The following TRPM3 variants were observed in gnomAD, a reference collection of about 807,000 sequenced individuals.
The protein encoded by TRPM3 is long transient receptor potential channel 3.
TRPM3 carries 77 observed loss-of-function variants against 181.2 expected under a neutral mutation model. That is an observed-to-expected ratio of 0.42 (90% CI 0.35 to 0.51). TRPM3 has a LOEUF of 0.51. Among genes scored for constraint, TRPM3 ranks in the 20% least tolerant of loss-of-function variants. TRPM3 has a pLI of 0.01. For missense variants in TRPM3, 1,759 were observed against 2,196.7 expected (o/e 0.80, Z 3.98); for synonymous variants, 745 against 796.4 (o/e 0.94, Z 1.09).
At chr9:70,700,640 A>G (rs1021367231) in intron 8 of TRPM3, among the ~76,000 whole-genome samples, 1 of 152,246 alleles carries the variant, frequency 6.6e-6, no homozygotes, top group Non-Finnish European at 1.5e-5. Flanking sequence ...GGCTGTCAAC[A>G]GCTTTTTAGA....
chr9:71,326,768 C>T (rs2089714728), intron 1 of TRPM3, among the ~76,000 whole-genome samples: 1 of 152,106 alleles, frequency 6.6e-6, no homozygotes, highest in African/African-American at 2.4e-5. Flanking sequence ...CTCAGAAATA[C>T]CTCCTTCATC....
intron 3 of TRPM3, among the ~76,000 whole-genome samples, chr9:70,853,306 C>A (rs2095293562): frequency 6.6e-6 from 1 of 152,118 alleles, no homozygotes; most frequent in African/African-American, 2.4e-5. Context: ...TGGGGCTGTT[C>A]TTCTCTAATT....
At chr9:70,585,852 A>G (rs535524122) in intron 22 of TRPM3, among the ~76,000 whole-genome samples, 1 of 152,248 alleles carries the variant, frequency 6.6e-6, no homozygotes, top group Non-Finnish European at 1.5e-5. Context: ...CATCTTGATC[A>G]TGGTACTATT....
chr9:71,404,499 T>A (rs1312105826), intron 1 of TRPM3, among the ~76,000 whole-genome samples: 3 of 152,192 alleles, frequency 2.0e-5, no homozygotes, highest in Non-Finnish European at 4.4e-5. Context: ...ATCTGCCTTA[T>A]AAAATCTTAA....
intron 1 of TRPM3, among the ~76,000 whole-genome samples, chr9:70,899,512 C>T (rs1444508111): frequency 2.6e-5 from 4 of 152,126 alleles, no homozygotes; most frequent in Admixed American, 2.0e-4. Context: ...TGTGTCATAA[C>T]GGTTTGTGTT....
chr9:71,095,446 A>G (rs1257394720), intron 1 of TRPM3, among the ~76,000 whole-genome samples: 1 of 152,126 alleles, frequency 6.6e-6, no homozygotes, highest in Admixed American at 6.6e-5. Context: ...TTAAACAGGT[A>G]GAAGACTAAA....
At chr9:71,227,640 A>G (rs1165900414) in intron 1 of TRPM3, among the ~76,000 whole-genome samples, 2 of 152,258 alleles carry the variant, frequency 1.3e-5, no homozygotes, top group South Asian at 4.1e-4. Context: ...AAAATCAGAA[A>G]TGAAAAAAAG....
intron 5 of TRPM3, among the ~76,000 whole-genome samples, chr9:70,829,787 CAG>C (rs1193834074): frequency 2.0e-5 from 3 of 152,132 alleles, no homozygotes; most frequent in East Asian, 1.9e-4. Context: ...CCCCGAAACA[CAG>C]AGACAGTGGT....
At chr9:70,841,669 T>C (rs1564540930) in intron 5 of TRPM3, among the ~76,000 whole-genome samples, 1 of 133,286 alleles carries the variant, frequency 7.5e-6, no homozygotes, top group Non-Finnish European at 1.6e-5. Context: ...TATCCCACCA[T>C]ATATATGTAT....
chr9:71,188,316 TA>T (rs1282760304), intron 1 of TRPM3, among the ~76,000 whole-genome samples: 1 of 151,812 alleles, frequency 6.6e-6, no homozygotes, highest in Non-Finnish European at 1.5e-5. Context: ...CCAATGTGAG[TA>T]GGAAAAGGAA....
At chr9:71,167,528 T>C (rs573880942) in intron 1 of TRPM3, among the ~76,000 whole-genome samples, 38 of 152,292 alleles carry the variant, frequency 2.5e-4, no homozygotes, top group African/African-American at 8.7e-4. Context: ...TTTTCCATTA[T>C]TTATTGGTAC....
intron 16 of TRPM3, among the ~76,000 whole-genome samples, chr9:70,619,536 C>T (rs1476372209): frequency 6.7e-6 from 1 of 148,844 alleles, no homozygotes; most frequent in Non-Finnish European, 1.5e-5. Context: ...ACCTTAGCTT[C>T]CTGAGCAGCT....
intron 1 of TRPM3, among the ~76,000 whole-genome samples, chr9:71,286,240 T>C (rs1409791054): frequency 1.3e-5 from 2 of 152,212 alleles, no homozygotes; most frequent in Admixed American, 1.3e-4. Context: ...TGATAAATCA[T>C]GATTAACAAT....
At chr9:70,969,781 C>T (rs11142652) in intron 1 of TRPM3, among the ~76,000 whole-genome samples, 13,740 of 93,350 alleles carry the variant, frequency 0.15, 1,060 homozygotes, top group Non-Finnish European at 0.19. Flanking sequence ...TATATATATA[C>T]ACACACACAC....
chr9:70,821,442 G>C (rs992777541), intron 6 of TRPM3, among the ~76,000 whole-genome samples: 1 of 152,114 alleles, frequency 6.6e-6, no homozygotes, highest in African/African-American at 2.4e-5. Context: ...TTCTTATCAG[G>C]ATACATAGAT....
chr9:71,222,424 C>CAT (rs1195803231), intron 1 of TRPM3, among the ~76,000 whole-genome samples: 1 of 152,136 alleles, frequency 6.6e-6, no homozygotes, highest in African/African-American at 2.4e-5. Flanking sequence ...ATGCGTCATT[C>CAT]ATATGTGTTC....
intron 7 of TRPM3, among the ~76,000 whole-genome samples, chr9:70,764,258 AC>A (rs1263993116): frequency 6.6e-6 from 1 of 152,180 alleles, no homozygotes; most frequent in Non-Finnish European, 1.5e-5. Flanking sequence ...CTGACAGGTA[AC>A]CCAAGTGGAT....
intron 1 of TRPM3, among the ~76,000 whole-genome samples, chr9:71,049,535 G>T (rs1177126178): frequency 2.0e-5 from 3 of 152,100 alleles, no homozygotes; most frequent in East Asian, 3.9e-4. Context: ...AATTAACCAA[G>T]TTCATGAGAG....
intron 1 of TRPM3, among the ~76,000 whole-genome samples, chr9:71,162,757 A>G (rs2076342093): frequency 6.6e-6 from 1 of 152,194 alleles, no homozygotes; most frequent in Admixed American, 6.5e-5. Flanking sequence ...CTGGAGAGAT[A>G]AAGTGAATAG....
Sources: allele counts gnomAD v4.1 joint callset (sites outside exome capture counted in the v4.1 genomes callset), GRCh38; gene constraint gnomAD v4.1.1; transcripts MANE v1.5; gene names NCBI Gene and HGNC (gene_info 2026-07-23, HGNC 2026-07-21).